The following RFX3 variants were observed in gnomAD, a reference collection of about 807,000 sequenced individuals.
The protein encoded by RFX3 is transcription factor RFX3.
RFX3 carries 14 observed loss-of-function variants against 98.6 expected under a neutral mutation model. That is an observed-to-expected ratio of 0.14 (90% CI 0.09 to 0.22). The LOEUF (loss-of-function observed/expected upper bound fraction) is 0.22. RFX3 is among the 10% of genes least tolerant of loss of function. The probability of loss-of-function intolerance (pLI) is 1.00; values close to 1 mark genes in which losing one functional copy is unlikely to be tolerated. For missense variants in RFX3, 639 were observed against 926.9 expected, an observed-to-expected ratio of 0.69 and a Z score of 4.03; for synonymous variants, 383 against 328.4, an observed-to-expected ratio of 1.17 and a Z score of -1.80.
At chr9:3,232,903 AT>A (rs1036311890) in intron 15 of RFX3, among the ~76,000 whole-genome samples, 31 of 152,260 alleles carry the variant, frequency 2.0e-4, no homozygotes, top group African/African-American at 7.5e-4. Context: ...AGAAATATAA[AT>A]TAAGGGATTT....
chr9:3,244,945 T>A (rs1820449030), intron 15 of RFX3, among the ~76,000 whole-genome samples: 1 of 152,202 alleles, frequency 6.6e-6, no homozygotes, highest in Admixed American at 6.5e-5. Context: ...AACTTGTTAA[T>A]AAATGATAAA....
At chr9:3,242,481 T>C (rs1820084434) in intron 15 of RFX3, among the ~76,000 whole-genome samples, 1 of 152,160 alleles carries the variant, frequency 6.6e-6, no homozygotes, top group Non-Finnish European at 1.5e-5. Context: ...AACAAGTCTA[T>C]TGTTCAACAG....
intron 2 of RFX3, among the ~76,000 whole-genome samples, chr9:3,390,980 A>C (rs1393714224): frequency 2.0e-5 from 3 of 152,186 alleles, no homozygotes; most frequent in East Asian, 1.9e-4. Context: ...ATAATATTGA[A>C]TGCCTCAAAA....
intron 1 of RFX3, among the ~76,000 whole-genome samples, chr9:3,429,316 C>G (rs969243338): frequency 6.6e-6 from 1 of 150,762 alleles, no homozygotes; most frequent in Non-Finnish European, 1.5e-5. Flanking sequence ...GCCACCGCGC[C>G]CGGCCAATTT....
intron 7 of RFX3, among the ~76,000 whole-genome samples, chr9:3,284,917 T>A (rs1177838466): frequency 6.6e-6 from 1 of 151,792 alleles, no homozygotes; most frequent in Non-Finnish European, 1.5e-5. Context: ...TACAGTGGTA[T>A]TGCTGGGAAT....
chr9:3,435,159 T>C (rs112996063), intron 1 of RFX3, among the ~76,000 whole-genome samples: 430 of 152,186 alleles, frequency 2.8e-3, no homozygotes, highest in African/African-American at 9.7e-3. Context: ...TACACTACTA[T>C]AGACTTTATA....
intron 1 of RFX3, among the ~76,000 whole-genome samples, chr9:3,399,486 G>T (rs1453295879): frequency 6.6e-6 from 1 of 151,840 alleles, no homozygotes; most frequent in Admixed American, 6.6e-5. Flanking sequence ...AGAATTTCTT[G>T]AAACATCTGA....
intron 2 of RFX3, among the ~76,000 whole-genome samples, chr9:3,348,122 C>A (rs1033108797): frequency 6.6e-6 from 1 of 151,980 alleles, no homozygotes. Context: ...TTTTATTTCC[C>A]GCCTATTACT....
intron 4 of RFX3, among the ~76,000 whole-genome samples, chr9:3,316,224 T>C (rs3012702): frequency 0.15 from 22,955 of 152,032 alleles, 1,805 homozygotes; most frequent in Middle Eastern, 0.21. Context: ...GTTCAACATA[T>C]GCAAATCAAT....
chr9:3,240,637 T>C (rs1299832145), intron 15 of RFX3, among the ~76,000 whole-genome samples: 2 of 152,310 alleles, frequency 1.3e-5, no homozygotes, highest in East Asian at 1.9e-4. Flanking sequence ...CTAATTTTTA[T>C]GACATTTTAT....
intron 4 of RFX3, among the ~76,000 whole-genome samples, chr9:3,315,856 C>T (rs1337608026): frequency 1.3e-5 from 2 of 152,150 alleles, no homozygotes; most frequent in Non-Finnish European, 2.9e-5. Flanking sequence ...AGACCAATAA[C>T]AGGTTCCGAA....
chr9:3,401,874 C>G (rs372385440), intron 1 of RFX3, among the ~76,000 whole-genome samples: 16 of 152,232 alleles, frequency 1.1e-4, no homozygotes, highest in African/African-American at 3.1e-4. Flanking sequence ...TTAACCCCTA[C>G]GAGAAGGAAA....
At chr9:3,356,155 TGGAAGGAAGGAAGGAA>T (rs71495494) in intron 2 of RFX3, among the ~76,000 whole-genome samples, 206 of 125,748 alleles carry the variant, frequency 1.6e-3, no homozygotes, top group African/African-American at 5.8e-3. Context: ...CTAGAATAAG[TGGAAGGAAGGAAGGAA>T]GGAAGGAAGG....
chr9:3,296,883 C>T (rs1388951666), intron 5 of RFX3, among the ~76,000 whole-genome samples: 2 of 152,104 alleles, frequency 1.3e-5, no homozygotes, highest in Admixed American at 1.3e-4. Flanking sequence ...TTAAAAGGAT[C>T]CACCAGACAA....
chr9:3,415,061 C>T (rs866311265), intron 1 of RFX3, among the ~76,000 whole-genome samples: 1 of 128,646 alleles, frequency 7.8e-6, no homozygotes, highest in Non-Finnish European at 1.6e-5. Context: ...TATATATACT[C>T]ATATATAAGT....
chr9:3,351,771 A>T (rs1835164454), intron 2 of RFX3, among the ~76,000 whole-genome samples: 1 of 151,990 alleles, frequency 6.6e-6, no homozygotes, highest in South Asian at 2.1e-4. Context: ...TACTCTCTAG[A>T]ACTATAAAAA....
Position 3,218,995 on chromosome 9 carries a change from TTGG to T in RFX3, c.*6044_*6046del, listed in dbSNP as rs916931714. ...CCCTGAGTGATAGTGAAGTTACTGA[TTGG>T]TAAGCACTACAATTAACCTAATTAA... On this transcript the variant is annotated 3_prime_UTR_variant, in exon 17 of 17. Transcript: ENST00000617270. 1 of 152,144 alleles carries T rather than the reference TTGG, an allele frequency of 6.6e-6. No homozygotes were observed. Among genetic ancestry groups the T allele is most frequent in the African/African-American group, 2.4e-5 (1 of 41,444 alleles). 9.4% of individuals were successfully genotyped at this position (152,144 alleles called of 1,614,324 possible).
chr9:3,412,464 A>C (rs1466654416), intron 1 of RFX3, among the ~76,000 whole-genome samples: 1 of 152,250 alleles, frequency 6.6e-6, no homozygotes, highest in Non-Finnish European at 1.5e-5. Context: ...AAGTAAAAGA[A>C]AGGCTTCAAA....
intron 2 of RFX3, among the ~76,000 whole-genome samples, chr9:3,370,437 C>A (rs1369994212): frequency 1.3e-5 from 2 of 151,636 alleles, no homozygotes; most frequent in Non-Finnish European, 2.9e-5. Flanking sequence ...CAACTCTATC[C>A]TTTCAAATCT....
Sources: allele counts gnomAD v4.1 joint callset (sites outside exome capture counted in the v4.1 genomes callset), GRCh38; gene constraint gnomAD v4.1.1; transcripts MANE v1.5; gene names NCBI Gene and HGNC (gene_info 2026-07-23, HGNC 2026-07-21).